The following PALLD variants were observed in gnomAD, a reference collection of about 807,000 sequenced individuals.
The protein encoded by PALLD is palladin, cytoskeletal associated protein.
In PALLD, 61 loss-of-function variants were observed where a neutral mutation model predicts 123.5. That is an observed-to-expected ratio of 0.49 (90% CI 0.40 to 0.61). The LOEUF (loss-of-function observed/expected upper bound fraction) is 0.61, where lower values mean the gene tolerates loss of function less well. Ranked by LOEUF, PALLD falls within the 20% of genes least tolerant of loss-of-function variation. The pLI, the probability that PALLD is intolerant of heterozygous loss-of-function variation, is 0.00. For missense variants in PALLD, 1,273 were observed against 1,377.0 expected (o/e 0.92, Z 1.20); for synonymous variants, 465 against 496.4 (o/e 0.94, Z 0.84).
chr4:168,790,256 G>T (rs1490117097), intron 10 of PALLD, among the ~76,000 whole-genome samples: 1 of 151,702 alleles, frequency 6.6e-6, no homozygotes, highest in South Asian at 2.1e-4. Flanking sequence ...CCACCTCCCG[G>T]GTTCAAGCCA....
chr4:168,648,165 C>T (rs1011914715), intron 2 of PALLD: 6 of 152,024 alleles, frequency 3.9e-5, no homozygotes, highest in Admixed American at 1.3e-4. Context: ...CCAGCAATCC[C>T]GGAAGCAATT....
intron 2 of PALLD, among the ~76,000 whole-genome samples, chr4:168,555,563 C>G (rs1228695544): frequency 1.3e-5 from 2 of 152,174 alleles, no homozygotes; most frequent in Non-Finnish European, 2.9e-5. Context: ...TTTTAGATAG[C>G]TGAATATGAG....
At chr4:168,894,164 TTTTTC>T (rs1305218359) in intron 11 of PALLD, 2 of 209,630 alleles carry the variant, frequency 9.5e-6, no homozygotes, top group African/African-American at 4.7e-5. Flanking sequence ...GTATCTTTGT[TTTTTC>T]TTTCAGTCAG....
At chr4:168,511,097 T>C (rs1361598386) in intron 1 of PALLD, among the ~76,000 whole-genome samples, 2 of 144,748 alleles carry the variant, frequency 1.4e-5, no homozygotes, top group Non-Finnish European at 3.1e-5. Flanking sequence ...ATTCTATTGA[T>C]CTCATTACAT....
chr4:168,888,513 G>C (rs910580146), intron 10 of PALLD, among the ~76,000 whole-genome samples: 1 of 152,090 alleles, frequency 6.6e-6, no homozygotes, highest in Non-Finnish European at 1.5e-5. Context: ...TACAGTTATG[G>C]AGTGAACAAT....
intron 2 of PALLD, among the ~76,000 whole-genome samples, chr4:168,520,648 T>C (rs2149452590): frequency 6.6e-6 from 1 of 152,286 alleles, no homozygotes; most frequent in South Asian, 2.1e-4. Context: ...TAATTCAGAA[T>C]CCAGCAAGCC....
intron 18 of PALLD, among the ~76,000 whole-genome samples, chr4:168,922,098 TATATACACACACACACAC>T (rs1459679274): frequency 1.5e-4 from 16 of 107,632 alleles, no homozygotes; most frequent in African/African-American, 3.4e-4. Flanking sequence ...TATATATATA[TATATACACACACACACAC>T]ACACACACAC....
At chr4:168,509,753 A>G (rs1326023453) in intron 1 of PALLD, among the ~76,000 whole-genome samples, 1 of 152,222 alleles carries the variant, frequency 6.6e-6, no homozygotes, top group Non-Finnish European at 1.5e-5. Flanking sequence ...CTATCTTTCT[A>G]AGAAGACATG....
chr4:168,633,295 T>TC (rs920244594), intron 2 of PALLD, among the ~76,000 whole-genome samples: 6 of 152,024 alleles, frequency 3.9e-5, no homozygotes, highest in African/African-American at 1.4e-4. Context: ...CTCTTACATT[T>TC]CCCCCCGCGG....
intron 12 of PALLD, 166 bp downstream of exon 12, chr4:168,894,843 C>T: frequency 9.1e-7 from 1 of 1,096,876 alleles, no homozygotes; most frequent in Non-Finnish European, 1.3e-6. Flanking sequence ...TTTTATTGAG[C>T]ACATACTATG....
chr4:168,886,900 C>T (rs907302866), intron 10 of PALLD, among the ~76,000 whole-genome samples: 2 of 151,586 alleles, frequency 1.3e-5, no homozygotes, highest in African/African-American at 2.4e-5. Context: ...GGGCGGATCA[C>T]GAGGTCAGGA....
chr4:168,583,242 A>G (rs769492605), intron 2 of PALLD, among the ~76,000 whole-genome samples: 4 of 152,202 alleles, frequency 2.6e-5, no homozygotes, highest in Non-Finnish European at 4.4e-5. Context: ...TATTGTTCCT[A>G]CAATATTTTG....
Position 168,921,618 on chromosome 4 carries a change from C to T in PALLD, c.2935C>T (p.Arg979Cys), listed in dbSNP as rs367575623. 6.8e-6 allele frequency: 11 copies of T among 1,610,608 alleles called. No homozygotes were observed. In the African/African-American group the frequency reaches 1.1e-4, roughly 16 times the overall value. The change falls in exon 18 of 22, where the codon CGT becomes TGT. Residue 979 changes from arginine to cysteine, a missense_variant. Arg to Cys is a radical substitution (Grantham distance 180). Coordinates refer to ENST00000505667, the MANE Select transcript of PALLD (RefSeq NM_001166108.2). ...TGACAGTGCTCACAAGATGCTGGTGCGTGAGAACGGGGTGCACTCTCTGAT... is the reference window on the plus strand; with the variant it reads ...TGACAGTGCTCACAAGATGCTGGTGTGTGAGAACGGGGTGCACTCTCTGAT... ...RPDSAHKMLV[R>C]ENGVHSLIIE... is the part of the protein sequence containing the mutation.
At chr4:168,798,963 G>A (rs755828032) in intron 10 of PALLD, among the ~76,000 whole-genome samples, 3 of 152,176 alleles carry the variant, frequency 2.0e-5, no homozygotes, top group Admixed American at 6.5e-5. Context: ...AGCAATGAAC[G>A]AATCATGAAT....
At chr4:168,794,574 A>G (rs115861896) in intron 10 of PALLD, among the ~76,000 whole-genome samples, 1,885 of 151,104 alleles carry the variant, frequency 0.012, 42 homozygotes, top group African/African-American at 0.044. Context: ...TTCACTAGCT[A>G]GAGGGGTTAT....
rs941463973 is a variant in PALLD at position 168,880,470 on chromosome 4, A to G, written c.1965-10452A>G. ...GTGGTTACCGTTTTGTCCTCAAGGAATTTTCCTGTTGCTAAATCACGCATA... is the reference window on the plus strand; with the variant it reads ...GTGGTTACCGTTTTGTCCTCAAGGAGTTTTCCTGTTGCTAAATCACGCATA... On this transcript the variant is annotated intron_variant, in intron 10 of 21. Transcript: ENST00000505667. Among the ~76,000 whole-genome samples the G allele has an allele frequency of 7.9e-5, 12 of 152,110 alleles. 1 individual carries two copies. Among genetic ancestry groups the G allele is most frequent in the Admixed American group, 3.9e-4 (6 of 15,274 alleles).
At chr4:168,762,623 C>G (rs1733104643) in intron 10 of PALLD, among the ~76,000 whole-genome samples, 1 of 152,208 alleles carries the variant, frequency 6.6e-6, no homozygotes, top group African/African-American at 2.4e-5. Flanking sequence ...GTGGTGATCC[C>G]TCAAGGATCT....
chr4:168,913,870 T>C, intron 15 of PALLD, 57 bp from the exon 16 acceptor site: 1 of 1,110,910 alleles, frequency 9.0e-7, no homozygotes, highest in South Asian at 1.2e-5. Context: ...GGCATGATAG[T>C]GCTTAGTGGT....
Position 168,777,220 on chromosome 4 carries a change from G to C in PALLD, c.1964+65297G>C, listed in dbSNP as rs999959. On this transcript the variant is annotated intron_variant, in intron 10 of 21. Coordinates refer to ENST00000505667, the MANE Select transcript of PALLD (RefSeq NM_001166108.2). ...TCAACCTTCCTGAGTAGAGCTAACA[G>C]GAGACTAAGCCTACTCAGTGAGTCT... Among the ~76,000 whole-genome samples the C allele has an allele frequency of 6.6e-5, 10 of 151,990 alleles. No individual in the cohort carries two copies. The South Asian group carries it at 2.1e-3, about 32-fold the overall frequency.
Sources: allele counts gnomAD v4.1 joint callset (sites outside exome capture counted in the v4.1 genomes callset), GRCh38; gene constraint gnomAD v4.1.1; transcripts MANE v1.5; gene names NCBI Gene and HGNC (gene_info 2026-07-23, HGNC 2026-07-21).